The following NTRK3 variants were observed in gnomAD, a reference collection of about 807,000 sequenced individuals.
NTRK3 encodes NT-3 growth factor receptor.
NTRK3 carries 24 observed loss-of-function variants against 91.7 expected under a neutral mutation model. That is an observed-to-expected ratio of 0.26 (90% confidence interval 0.19 to 0.37). The LOEUF is 0.37. NTRK3 is among the 10% of genes least tolerant of loss of function. NTRK3 has a pLI of 1.00. For missense variants in NTRK3, 880 were observed against 1,068.9 expected (o/e 0.82, Z 2.46); for synonymous variants, 483 against 404.0 (o/e 1.20, Z -2.34).
At chr15:88,119,166 T>G (rs2052430602) in intron 13 of NTRK3, among the ~76,000 whole-genome samples, 1 of 152,230 alleles carries the variant, frequency 6.6e-6, no homozygotes, top group Non-Finnish European at 1.5e-5. Context: ...GATGATTCAC[T>G]GCACCCCTGC....
chr15:87,997,551 G>C (rs974650233), intron 14 of NTRK3, among the ~76,000 whole-genome samples: 3 of 152,022 alleles, frequency 2.0e-5, no homozygotes, highest in African/African-American at 7.2e-5. Flanking sequence ...CACAGATTTT[G>C]AGCAGTAAAT....
At chr15:87,901,973 C>A (rs1159257528) in intron 17 of NTRK3, among the ~76,000 whole-genome samples, 1 of 152,036 alleles carries the variant, frequency 6.6e-6, no homozygotes, top group Non-Finnish European at 1.5e-5. Context: ...TGTTTTAAGG[C>A]ATGTAAATTG....
At chr15:88,210,932 T>C (rs1002331501) in intron 3 of NTRK3, among the ~76,000 whole-genome samples, 2 of 152,168 alleles carry the variant, frequency 1.3e-5, no homozygotes, top group Non-Finnish European at 2.9e-5. Flanking sequence ...CAGTGAGATG[T>C]TCCACTGAGA....
intron 13 of NTRK3, among the ~76,000 whole-genome samples, chr15:88,086,962 G>C (rs1006471095): frequency 4.6e-5 from 7 of 152,154 alleles, no homozygotes; most frequent in African/African-American, 7.2e-5. Context: ...TCTGTGATTT[G>C]ACATCAGTTA....
intron 3 of NTRK3, among the ~76,000 whole-genome samples, chr15:88,208,331 GA>G (rs1438074651): frequency 6.6e-6 from 1 of 151,976 alleles, no homozygotes; most frequent in Non-Finnish European, 1.5e-5. Flanking sequence ...TTTAGCTGGA[GA>G]AAGGGATATA....
chr15:87,929,981 T>C (rs1025481436), intron 16 of NTRK3, among the ~76,000 whole-genome samples: 8 of 152,238 alleles, frequency 5.3e-5, no homozygotes, highest in Non-Finnish European at 8.8e-5. Context: ...AAAAGGAACA[T>C]TGGGAGTGCT....
chr15:88,059,746 A>T (rs1377162740), intron 13 of NTRK3, among the ~76,000 whole-genome samples: 3 of 152,172 alleles, frequency 2.0e-5, no homozygotes, highest in African/African-American at 7.2e-5. Context: ...TAAAATTTAT[A>T]TGTTAATGTT....
chr15:88,044,669 A>T (rs1244051730), intron 13 of NTRK3, among the ~76,000 whole-genome samples: 1 of 151,562 alleles, frequency 6.6e-6, no homozygotes, highest in African/African-American at 2.4e-5. Context: ...CACCTAAATC[A>T]AAGATGCTGA....
intron 14 of NTRK3, among the ~76,000 whole-genome samples, chr15:87,942,813 C>A (rs565333259): frequency 4.1e-4 from 63 of 152,284 alleles, no homozygotes; most frequent in Non-Finnish European, 7.4e-4. Context: ...GTTTGTAAAC[C>A]TTTAAGTCCT....
chr15:88,155,805 CATCTATCTATCTATCTATCT>C (rs71146401), intron 5 of NTRK3, among the ~76,000 whole-genome samples: 42 of 150,678 alleles, frequency 2.8e-4, no homozygotes, highest in African/African-American at 9.3e-4. Flanking sequence ...TGTAATCTAT[CATCTATCTATCTATCTATCT>C]ATCTATCTAT....
chr15:88,014,395 C>T (rs1028557609), intron 14 of NTRK3, among the ~76,000 whole-genome samples: 1 of 152,116 alleles, frequency 6.6e-6, no homozygotes, highest in African/African-American at 2.4e-5. Flanking sequence ...GTGTTTGGCC[C>T]TCAGTTTCCT....
chr15:88,156,069 T>G (rs928042266), intron 5 of NTRK3, among the ~76,000 whole-genome samples: 2 of 152,142 alleles, frequency 1.3e-5, no homozygotes, highest in African/African-American at 4.8e-5. Context: ...GGTAGAAAAC[T>G]GTCATTATAA....
At chr15:87,929,576 A>G in intron 16 of NTRK3, 142 bp from the exon 17 acceptor site, 1 of 1,084,386 alleles carries the variant, frequency 9.2e-7, no homozygotes, top group Non-Finnish European at 1.3e-6. Flanking sequence ...GCTTATTTTT[A>G]TCTGCCCCAA....
At chr15:87,940,354 A>G (rs2069706386) in intron 15 of NTRK3, among the ~76,000 whole-genome samples, 1 of 152,192 alleles carries the variant, frequency 6.6e-6, no homozygotes, top group African/African-American at 2.4e-5. Context: ...AGGTAACCAC[A>G]GGGCCACTAA....
intron 13 of NTRK3, among the ~76,000 whole-genome samples, chr15:88,114,044 C>A (rs1284447292): frequency 6.6e-6 from 1 of 152,106 alleles, no homozygotes. Flanking sequence ...ACACACACCA[C>A]CATCAATGAC....
At chr15:88,066,823 C>A (rs1469709256) in intron 13 of NTRK3, among the ~76,000 whole-genome samples, 5 of 152,166 alleles carry the variant, frequency 3.3e-5, no homozygotes, top group Non-Finnish European at 7.3e-5. Flanking sequence ...CATATGCCCC[C>A]ATTCCCCACT....
intron 3 of NTRK3, among the ~76,000 whole-genome samples, chr15:88,208,109 T>C (rs1474774800): frequency 6.6e-6 from 1 of 152,008 alleles, no homozygotes; most frequent in Non-Finnish European, 1.5e-5. Flanking sequence ...CATGCCTGGA[T>C]CATAACCAAG....
chr15:87,984,477 C>A (rs2074563492), intron 14 of NTRK3, among the ~76,000 whole-genome samples: 1 of 152,168 alleles, frequency 6.6e-6, no homozygotes, highest in Non-Finnish European at 1.5e-5. Context: ...TCTTCTCATG[C>A]CATCGGATTC....
chr15:87,868,892 C>T (rs2064755325), exon 19 of NTRK3: 1 of 224,932 alleles, frequency 4.4e-6, no homozygotes, highest in African/African-American at 2.2e-5. Context: ...AAAAGACAAA[C>T]ACCTTGTCCT....
Sources: allele counts gnomAD v4.1 joint callset (sites outside exome capture counted in the v4.1 genomes callset), GRCh38; gene constraint gnomAD v4.1.1; transcripts MANE v1.5; gene names NCBI Gene and HGNC (gene_info 2026-07-23, HGNC 2026-07-21).